GABRB3: variants seen among roughly 807,000 people sequenced by gnomAD.
GABRB3 encodes gamma-aminobutyric acid receptor subunit beta-3.
Under a neutral mutation model 52.1 loss-of-function variants are expected in GABRB3, and 14 were observed. The observed-to-expected ratio is 0.27, with a 90% CI of 0.18 to 0.42. GABRB3 has a LOEUF of 0.42. Ranked by LOEUF, GABRB3 falls within the 10% of genes least tolerant of loss-of-function variation. GABRB3 has a pLI of 1.00. For synonymous variants in GABRB3, 260 were observed against 232.3 expected (o/e 1.12, Z -1.08); for missense variants, 307 against 609.1 (o/e 0.50, Z 5.22).
At chr15:26,550,433 C>G (rs138273170) in intron 8 of GABRB3, among the ~76,000 whole-genome samples, 1 of 152,144 alleles carries the variant, frequency 6.6e-6, no homozygotes, top group South Asian at 2.1e-4. Flanking sequence ...AAATCAAAGC[C>G]ACATGAGATA....
At chr15:26,701,053 CAA>C (rs35441212) in intron 3 of GABRB3, among the ~76,000 whole-genome samples, 5 of 143,992 alleles carry the variant, frequency 3.5e-5, no homozygotes, top group Middle Eastern at 3.6e-3. Flanking sequence ...AGACTCGTCT[CAA>C]AAAAAAAAAC....
intron 3 of GABRB3, among the ~76,000 whole-genome samples, chr15:26,689,160 C>A (rs943655735): frequency 2.0e-5 from 3 of 152,178 alleles, no homozygotes; most frequent in Admixed American, 6.5e-5. Flanking sequence ...AGTGCCCCGC[C>A]TGGGACAGTC....
chr15:26,690,633 C>A (rs965157460), intron 3 of GABRB3, among the ~76,000 whole-genome samples: 4 of 151,836 alleles, frequency 2.6e-5, no homozygotes, highest in African/African-American at 9.7e-5. Context: ...GGGCAGACGG[C>A]TGGCATTTGC....
chr15:26,622,864 T>C (rs1326265542), intron 3 of GABRB3, among the ~76,000 whole-genome samples: 3 of 152,210 alleles, frequency 2.0e-5, no homozygotes, highest in Non-Finnish European at 4.4e-5. Flanking sequence ...AATACGTTTT[T>C]AAGCTTTGAG....
At chr15:26,740,042 C>T (rs570173865) in intron 3 of GABRB3, among the ~76,000 whole-genome samples, 1 of 152,284 alleles carries the variant, frequency 6.6e-6, no homozygotes, top group South Asian at 2.1e-4. Flanking sequence ...AACGTGTCAA[C>T]AAAATGATCT....
intron 8 of GABRB3, among the ~76,000 whole-genome samples, chr15:26,549,321 G>A (rs1225380303): frequency 6.6e-6 from 1 of 152,158 alleles, no homozygotes; most frequent in Non-Finnish European, 1.5e-5. Context: ...GTTCCAAGTA[G>A]GGATAAGACC....
At chr15:26,719,064 G>A (rs1889575731) in intron 3 of GABRB3, among the ~76,000 whole-genome samples, 1 of 152,238 alleles carries the variant, frequency 6.6e-6, no homozygotes, top group African/African-American at 2.4e-5. Context: ...CTTCCTACAA[G>A]TTGCCTGCAT....
At chr15:26,697,063 C>T (rs1888764360) in intron 3 of GABRB3, among the ~76,000 whole-genome samples, 1 of 152,124 alleles carries the variant, frequency 6.6e-6, no homozygotes, top group Non-Finnish European at 1.5e-5. Context: ...GTTAAGAATC[C>T]TTGCAACATA....
intron 3 of GABRB3, among the ~76,000 whole-genome samples, chr15:26,734,779 T>C (rs7496348): frequency 0.43 from 64,759 of 151,552 alleles, 16,230 homozygotes; most frequent in Admixed American, 0.59. Context: ...CTCTAAAAAA[T>C]TTATCTTGGA....
intron 6 of GABRB3, among the ~76,000 whole-genome samples, chr15:26,578,031 C>T (rs535647564): frequency 4.6e-5 from 7 of 152,310 alleles, no homozygotes; most frequent in African/African-American, 1.7e-4. Flanking sequence ...AACTGACCCT[C>T]TTGCCTTGAT....
At chr15:26,749,305 T>C (rs1400486534) in intron 3 of GABRB3, among the ~76,000 whole-genome samples, 1 of 152,198 alleles carries the variant, frequency 6.6e-6, no homozygotes, top group Non-Finnish European at 1.5e-5. Context: ...GTTTACTGTT[T>C]AACTTCCAAG....
chr15:26,582,119 G>A (rs1487146624), intron 5 of GABRB3, among the ~76,000 whole-genome samples: 1 of 152,164 alleles, frequency 6.6e-6, no homozygotes, highest in Admixed American at 6.5e-5. Flanking sequence ...ATTAAACCAT[G>A]ATTCTCTGCA....
At chr15:26,710,895 G>C (rs1267124288) in intron 3 of GABRB3, among the ~76,000 whole-genome samples, 1 of 148,442 alleles carries the variant, frequency 6.7e-6, no homozygotes, top group Non-Finnish European at 1.5e-5. Context: ...ATAACACTTT[G>C]ATCTTTTTTT....
Position 26,678,890 on chromosome 15 carries a change from A to G in GABRB3, c.241-57356T>C, listed in dbSNP as rs1008784215. On this transcript the variant is annotated intron_variant, in intron 3 of 8. Coordinates refer to ENST00000311550, the MANE Select transcript of GABRB3 (RefSeq NM_000814.6). ...ATCAGAGGAGCCCAGTGATTGTAAA[A>G]TTTCCATTAAGTGGGAACCCATGAT... Among the ~76,000 whole-genome samples the G allele has an allele frequency of 2.0e-5, 3 of 152,282 alleles. No individual in the cohort carries two copies. In the East Asian group the frequency reaches 5.8e-4, roughly 30 times the overall value.
At chr15:26,606,772 A>ATAGATATATCTATCGATAGATATAAC (rs1566770499) in intron 4 of GABRB3, among the ~76,000 whole-genome samples, 1 of 81,684 alleles carries the variant, frequency 1.2e-5, no homozygotes, top group Non-Finnish European at 3.2e-5. Flanking sequence ...GTCTATCTAT[A>ATAGATATATCTATCGATAGATATAAC]GATAGATAGA....
intron 3 of GABRB3, among the ~76,000 whole-genome samples, chr15:26,674,415 A>AAAG (rs1490686124): frequency 1.5e-5 from 2 of 129,706 alleles, no homozygotes; most frequent in African/African-American, 5.6e-5. Flanking sequence ...AAAAAAAAAA[A>AAAG]AAAAAAGAAA....
chr15:26,629,821 T>C (rs1190871719), intron 3 of GABRB3, among the ~76,000 whole-genome samples: 1 of 151,920 alleles, frequency 6.6e-6, no homozygotes, highest in African/African-American at 2.4e-5. Context: ...TCCTGTAAAT[T>C]AATTAACTGA....
intron 6 of GABRB3, among the ~76,000 whole-genome samples, chr15:26,576,481 T>A (rs1158375886): frequency 6.6e-6 from 1 of 151,390 alleles, no homozygotes; most frequent in African/African-American, 2.4e-5. Flanking sequence ...TAAAGAGGAG[T>A]GAAAAATAAA....
intron 3 of GABRB3, among the ~76,000 whole-genome samples, chr15:26,672,010 C>T (rs1433784441): frequency 6.6e-6 from 1 of 152,124 alleles, no homozygotes; most frequent in Non-Finnish European, 1.5e-5. Flanking sequence ...ATGGGTCATA[C>T]CGAGAAAAAT....
Sources: gnomAD v4.1 joint callset for allele counts (sites outside exome capture counted in the v4.1 genomes callset) on GRCh38, gnomAD v4.1.1 for gene constraint, MANE v1.5 for transcripts, NCBI Gene and HGNC (gene_info 2026-07-23, HGNC 2026-07-21) for gene names.